Variants in RAD51B observed in about 807,000 individuals in gnomAD.
The protein encoded by RAD51B is RAD51 paralog B, also known as DNA repair protein RAD51 homolog 2.
A neutral mutation model predicts 42.2 loss-of-function variants in RAD51B; 38 were observed. That is an observed-to-expected ratio of 0.90 (90% CI 0.70 to 1.18). RAD51B has a LOEUF of 1.18. Among genes scored for constraint, RAD51B ranks in the 50% most tolerant of loss-of-function variants. The probability of loss-of-function intolerance (pLI) is 0.00; values close to 1 mark genes in which losing one functional copy is unlikely to be tolerated. For missense variants in RAD51B, 373 were observed against 400.7 expected, an observed-to-expected ratio of 0.93 and a Z score of 0.59; for synonymous variants, 154 against 145.2, an observed-to-expected ratio of 1.06 and a Z score of -0.43.
At chr14:67,996,590 A>G (rs527392559) in intron 7 of RAD51B, among the ~76,000 whole-genome samples, 14 of 152,308 alleles carry the variant, frequency 9.2e-5, no homozygotes, top group African/African-American at 3.4e-4. Flanking sequence ...GGTGAGTTCA[A>G]GGAACTCCAA....
chr14:68,202,179 C>T (rs932631907), intron 7 of RAD51B, among the ~76,000 whole-genome samples: 1 of 152,090 alleles, frequency 6.6e-6, no homozygotes, highest in Non-Finnish European at 1.5e-5. Context: ...TAATAATCAT[C>T]TGAGCCTTCA....
chr14:68,292,975 C>T lies in RAD51B; in HGVS notation c.853+995C>T, dbSNP rs182176733. 5.7e-4 allele frequency among the ~76,000 whole-genome samples: 87 copies of T among 152,306 alleles called. 1 individual carries two copies. The highest frequency in any genetic ancestry group is 3.4e-3 in the Middle Eastern group (1 of 294). ...CATCGAGCATTCCTCCCTCCTGAAA[C>T]TTTTGTCATCAAGTCTGCTTAGTAC... On this transcript the variant is annotated intron_variant, in intron 8 of 10. Transcript: ENST00000471583.
At chr14:68,453,790 T>C (rs1347389404) in intron 9 of RAD51B, among the ~76,000 whole-genome samples, 12 of 152,324 alleles carry the variant, frequency 7.9e-5, no homozygotes, top group African/African-American at 2.9e-4. Flanking sequence ...CGTTTACAAA[T>C]GCTGTGTATA....
At chr14:67,995,646 C>T (rs1211018399) in intron 7 of RAD51B, among the ~76,000 whole-genome samples, 4 of 148,248 alleles carry the variant, frequency 2.7e-5, no homozygotes, top group Non-Finnish European at 5.9e-5. Context: ...CGGAGTCTCT[C>T]TCTGTCACCC....
intron 7 of RAD51B, among the ~76,000 whole-genome samples, chr14:68,220,070 CA>C (rs1265994741): frequency 1.3e-5 from 2 of 151,966 alleles, no homozygotes; most frequent in African/African-American, 4.8e-5. Flanking sequence ...ATCAAACAAG[CA>C]GAAAAAAGAC....
intron 7 of RAD51B, among the ~76,000 whole-genome samples, chr14:68,110,101 A>G (rs1171752667): frequency 6.6e-6 from 1 of 152,026 alleles, no homozygotes; most frequent in African/African-American, 2.4e-5. Flanking sequence ...CATCATACTT[A>G]GGAGCTAGTA....
chr14:68,256,381 G>A (rs1271846031), intron 7 of RAD51B, among the ~76,000 whole-genome samples: 1 of 152,156 alleles, frequency 6.6e-6, no homozygotes, highest in Non-Finnish European at 1.5e-5. Context: ...ACCCAGAAAA[G>A]ACTTACTGGA....
At chr14:68,013,004 A>ATC (rs1175357379) in intron 7 of RAD51B, among the ~76,000 whole-genome samples, 2 of 152,176 alleles carry the variant, frequency 1.3e-5, no homozygotes, top group South Asian at 4.1e-4. Context: ...GCACAAAGCA[A>ATC]TCAGTTATTA....
intron 7 of RAD51B, among the ~76,000 whole-genome samples, chr14:68,178,154 A>C (rs2078996462): frequency 6.6e-6 from 1 of 152,160 alleles, no homozygotes; most frequent in East Asian, 1.9e-4. Flanking sequence ...TTTGCGGATC[A>C]AACACACAGC....
chr14:67,909,411 C>A (rs1403705209), intron 7 of RAD51B, among the ~76,000 whole-genome samples: 2 of 152,090 alleles, frequency 1.3e-5, no homozygotes, highest in East Asian at 3.9e-4. Flanking sequence ...TTAGTACCAG[C>A]CTTTTGGAGG....
At chr14:68,614,123 C>T (rs769304349), downstream of RAD51B, among the ~76,000 whole-genome samples, 7 of 152,166 alleles carry the variant, frequency 4.6e-5, no homozygotes, top group Non-Finnish European at 7.3e-5. Flanking sequence ...CAAAATTCAA[C>T]CTCTACTGCC....
intron 7 of RAD51B, among the ~76,000 whole-genome samples, chr14:68,013,040 A>G (rs2075711893): frequency 6.6e-6 from 1 of 152,186 alleles, no homozygotes; most frequent in South Asian, 2.1e-4. Context: ...TGGGTCAGGA[A>G]TTCGGACAGG....
At chr14:68,416,346 C>G (rs1181144523) in intron 9 of RAD51B, among the ~76,000 whole-genome samples, 2 of 152,202 alleles carry the variant, frequency 1.3e-5, no homozygotes, top group African/African-American at 4.8e-5. Flanking sequence ...ACACTTGCAC[C>G]TGGCCCTTGT....
At chr14:68,673,942 T>C (rs188433978) in intron 11 of RAD51B, among the ~76,000 whole-genome samples, 3 of 145,332 alleles carry the variant, frequency 2.1e-5, no homozygotes, top group African/African-American at 5.1e-5. Context: ...CACACACACA[T>C]ACTGTACACA....
At chr14:68,443,077 C>T (rs1034578623) in intron 9 of RAD51B, among the ~76,000 whole-genome samples, 1 of 152,184 alleles carries the variant, frequency 6.6e-6, no homozygotes, top group Non-Finnish European at 1.5e-5. Context: ...CTTGCTTAAG[C>T]ATTTGCCTTT....
chr14:68,664,668 C>A (rs1397171956), intron 11 of RAD51B, among the ~76,000 whole-genome samples: 1 of 152,180 alleles, frequency 6.6e-6, no homozygotes, highest in Non-Finnish European at 1.5e-5. Context: ...CCCACCTACT[C>A]TGTCATGCTA....
chr14:67,868,721 G>C (rs1417969938), intron 5 of RAD51B, among the ~76,000 whole-genome samples: 1 of 152,288 alleles, frequency 6.6e-6, no homozygotes, highest in East Asian at 1.9e-4. Context: ...GGTTCTCCCA[G>C]CACGCAGCTG....
chr14:68,505,467 CTG>C (rs1329038513), intron 10 of RAD51B, among the ~76,000 whole-genome samples: 2 of 151,676 alleles, frequency 1.3e-5, no homozygotes, highest in East Asian at 3.9e-4. Context: ...AGTAAGAACT[CTG>C]GGTTTGTTAG....
chr14:68,607,740 G>A (rs575951859), intron 10 of RAD51B, among the ~76,000 whole-genome samples: 148 of 152,322 alleles, frequency 9.7e-4, no homozygotes, highest in Admixed American at 1.5e-3. Context: ...GGAAAGGACG[G>A]GGAGCACACA....
Sources: gnomAD v4.1 joint callset for allele counts (sites outside exome capture counted in the v4.1 genomes callset) on GRCh38, gnomAD v4.1.1 for gene constraint, MANE v1.5 for transcripts, NCBI Gene and HGNC (gene_info 2026-07-23, HGNC 2026-07-21) for gene names.